The following SOX5 variants were observed in gnomAD, a reference collection of about 807,000 sequenced individuals.
SOX5 encodes transcription factor SOX-5.
Under a neutral mutation model 92.0 loss-of-function variants are expected in SOX5, and 9 were observed. That is an observed-to-expected ratio of 0.10 (90% confidence interval 0.06 to 0.17). SOX5 has a LOEUF of 0.17. Ranked by LOEUF, SOX5 falls within the 10% of genes least tolerant of loss-of-function variation. SOX5 has a pLI of 1.00. For missense variants in SOX5, 642 were observed against 944.5 expected (o/e 0.68, Z 4.20); for synonymous variants, 344 against 336.3 (o/e 1.02, Z -0.25).
At chr12:24,080,213 G>T (rs1031012623) in intron 4 of SOX5, among the ~76,000 whole-genome samples, 4 of 151,908 alleles carry the variant, frequency 2.6e-5, no homozygotes, top group African/African-American at 9.7e-5. Flanking sequence ...TGAAAAGAAT[G>T]CCTCTGTGTA....
At chr12:24,343,883 T>C (rs989884166) in intron 2 of SOX5, among the ~76,000 whole-genome samples, 3 of 152,262 alleles carry the variant, frequency 2.0e-5, no homozygotes, top group Admixed American at 6.5e-5. Context: ...GTTGTGATAA[T>C]TGTTAACTTG....
At chr12:23,577,176 C>CACAT (rs1273547543) in intron 9 of SOX5, among the ~76,000 whole-genome samples, 112 of 76,934 alleles carry the variant, frequency 1.5e-3, no homozygotes, top group South Asian at 1.9e-3. Flanking sequence ...CACACACACA[C>CACAT]ATATATATAT....
At chr12:24,246,197 T>A (rs553060097) in intron 3 of SOX5, among the ~76,000 whole-genome samples, 1 of 152,296 alleles carries the variant, frequency 6.6e-6, no homozygotes, top group South Asian at 2.1e-4. Context: ...AGTTGTCACA[T>A]CACATTGACT....
chr12:24,485,049 G>A lies in SOX5; in HGVS notation c.-251+77280C>T, dbSNP rs185365902. ...GATTTACAAGGTTCGGACAGATGGA[G>A]AAAGGAATAAGAGTATTTAGGTATT... On this transcript the variant is annotated intron_variant, in intron 1 of 4. Transcript: ENST00000446891. Among the ~76,000 whole-genome samples, 219 of 152,300 alleles carry A rather than the reference G, an allele frequency of 1.4e-3. 1 individual carries two copies. The highest frequency in any genetic ancestry group is 5.2e-3 in the African/African-American group (215 of 41,568).
intron 6 of SOX5, among the ~76,000 whole-genome samples, chr12:23,729,940 G>C (rs1286256049): frequency 3.3e-5 from 5 of 152,018 alleles, no homozygotes; most frequent in African/African-American, 4.8e-5. Context: ...CAAAACTATA[G>C]AAACCCTGTC....
intron 3 of SOX5, among the ~76,000 whole-genome samples, chr12:23,843,554 CTTTTTTT>C (rs71059931): frequency 9.8e-5 from 7 of 71,300 alleles, no homozygotes; most frequent in Middle Eastern, 0.011. Flanking sequence ...GTCATTTCTC[CTTTTTTT>C]TTTTTTTTTT....
chr12:24,175,991 TA>T (rs34722388), intron 4 of SOX5, among the ~76,000 whole-genome samples: 5 of 149,070 alleles, frequency 3.4e-5, no homozygotes, highest in African/African-American at 1.2e-4. Context: ...CAAGATCCAT[TA>T]AAAAAAAAAT....
intron 4 of SOX5, among the ~76,000 whole-genome samples, chr12:24,179,705 T>C (rs1227288162): frequency 5.3e-5 from 8 of 152,186 alleles, no homozygotes; most frequent in South Asian, 2.1e-4. Flanking sequence ...TAGGCTAATG[T>C]AAGTGTTCTG....
intron 1 of SOX5, among the ~76,000 whole-genome samples, chr12:24,528,305 T>C (rs1229783698): frequency 2.0e-5 from 3 of 152,192 alleles, no homozygotes; most frequent in Non-Finnish European, 2.9e-5. Flanking sequence ...ACAGGAATTT[T>C]TTTTTCATGG....
At chr12:23,773,529 G>A (rs564372043) in intron 3 of SOX5, among the ~76,000 whole-genome samples, 4 of 152,094 alleles carry the variant, frequency 2.6e-5, no homozygotes, top group South Asian at 4.1e-4. Flanking sequence ...GTGCCACCAC[G>A]TCTGACTAAT....
chr12:23,770,389 T>C (rs922861115), intron 3 of SOX5, among the ~76,000 whole-genome samples: 1 of 152,160 alleles, frequency 6.6e-6, no homozygotes, highest in Non-Finnish European at 1.5e-5. Context: ...ATTTATTTTA[T>C]ATGACCTCAG....
intron 1 of SOX5, chr12:23,920,257 T>A (rs980903569): frequency 2.3e-4 from 35 of 152,222 alleles, no homozygotes; most frequent in African/African-American, 7.2e-4. Context: ...TTAATAATAG[T>A]TGCCTTTTGT....
chr12:23,702,469 TCATTAAAA>T (rs2090794032), intron 6 of SOX5, among the ~76,000 whole-genome samples: 1 of 152,040 alleles, frequency 6.6e-6, no homozygotes, highest in South Asian at 2.1e-4. Flanking sequence ...AGCTATTTGT[TCATTAAAA>T]CTAGAGAAAC....
chr12:24,339,810 C>T (rs11047378), intron 2 of SOX5, among the ~76,000 whole-genome samples: 18,684 of 152,236 alleles, frequency 0.12, 1,600 homozygotes, highest in Non-Finnish European at 0.19. Flanking sequence ...AGGAACCAGA[C>T]AGTCATTTCC....
chr12:24,066,626 T>C (rs774295339), intron 4 of SOX5, among the ~76,000 whole-genome samples: 1 of 151,678 alleles, frequency 6.6e-6, no homozygotes. Context: ...AAGAGCAGAG[T>C]AGAAAAAAAG....
intron 1 of SOX5, among the ~76,000 whole-genome samples, chr12:23,906,130 T>C (rs1475719006): frequency 6.6e-6 from 1 of 152,228 alleles, no homozygotes; most frequent in Non-Finnish European, 1.5e-5. Context: ...GAGCATTTTG[T>C]TGTAAATTAT....
intron 2 of SOX5, among the ~76,000 whole-genome samples, chr12:23,849,075 T>C (rs1207695145): frequency 6.6e-6 from 1 of 152,192 alleles, no homozygotes; most frequent in Non-Finnish European, 1.5e-5. Context: ...AAATATTATT[T>C]CAACCTTAAT....
intron 3 of SOX5, among the ~76,000 whole-genome samples, chr12:24,260,471 A>C (rs1941924282): frequency 1.3e-5 from 2 of 152,230 alleles, no homozygotes; most frequent in Non-Finnish European, 2.9e-5. Context: ...GTTAGCCATC[A>C]TTATTATTAC....
chr12:24,278,121 G>A (rs901010149), intron 2 of SOX5, among the ~76,000 whole-genome samples: 1 of 152,140 alleles, frequency 6.6e-6, no homozygotes, highest in African/African-American at 2.4e-5. Context: ...TCCGCTATTA[G>A]TCCAATTCAA....
Sources: gnomAD v4.1 joint callset for allele counts (sites outside exome capture counted in the v4.1 genomes callset) on GRCh38, gnomAD v4.1.1 for gene constraint, MANE v1.5 for transcripts, NCBI Gene and HGNC (gene_info 2026-07-23, HGNC 2026-07-21) for gene names.